Variants in FSTL5 observed in about 807,000 individuals in gnomAD.
FSTL5 encodes follistatin-related protein 5.
Under a neutral mutation model 89.1 loss-of-function variants are expected in FSTL5, and 62 were observed. That is an observed-to-expected ratio of 0.70 (90% CI 0.57 to 0.86). The LOEUF is 0.86. FSTL5 is among the 40% of genes least tolerant of loss of function. The pLI is 0.00. For missense variants in FSTL5, 1,057 were observed against 1,001.6 expected, an observed-to-expected ratio of 1.06 and a Z score of -0.75; for synonymous variants, 383 against 346.2, an observed-to-expected ratio of 1.11 and a Z score of -1.18.
At chr4:162,147,033 C>T (rs1477384751) in intron 1 of FSTL5, among the ~76,000 whole-genome samples, 1 of 151,994 alleles carries the variant, frequency 6.6e-6, no homozygotes, top group Non-Finnish European at 1.5e-5. Flanking sequence ...CTGCCCCCCT[C>T]GGCCTCCCAA....
At chr4:162,092,836 C>T (rs766371331) in intron 2 of FSTL5, among the ~76,000 whole-genome samples, 7 of 150,480 alleles carry the variant, frequency 4.7e-5, no homozygotes, top group Non-Finnish European at 1.0e-4. Context: ...GTTATCCCAG[C>T]TACTCAGGAG....
At position 161,974,873 on chromosome 4, in the gene FSTL5, C is replaced by G. The variant is rs1578908094; in HGVS notation, c.161-54221G>C. Among the ~76,000 whole-genome samples, 3 of 151,966 alleles carry G rather than the reference C, an allele frequency of 2.0e-5. 1 individual carries two copies. The South Asian group carries it at 6.3e-4, about 32-fold the overall frequency. The stretch of plus-strand genomic sequence containing the variant: ...ACTCATCTGACAAAGGGCTAATAGC[C>G]AAAATCTACAATGAAATCAAACAAA... On this transcript the variant is annotated intron_variant, in intron 3 of 15. Transcript: ENST00000306100.
At chr4:162,068,631 T>C (rs561495025) in intron 2 of FSTL5, among the ~76,000 whole-genome samples, 30 of 152,122 alleles carry the variant, frequency 2.0e-4, no homozygotes, top group African/African-American at 6.0e-4. Context: ...ATTCAGGACA[T>C]AGGCACAGGC....
chr4:161,490,540 CT>C (rs564464388), intron 12 of FSTL5, among the ~76,000 whole-genome samples: 12 of 150,110 alleles, frequency 8.0e-5, no homozygotes, highest in East Asian at 3.9e-4. Flanking sequence ...AGGAATAAAA[CT>C]TTTTTTTTTC....
chr4:161,386,277 C>T lies in FSTL5; in HGVS notation c.2014G>A (p.Ala672Thr), dbSNP rs1329386222. 1 of 1,613,962 alleles carries T rather than the reference C, an allele frequency of 6.2e-7. No homozygotes were observed. The highest frequency in any genetic ancestry group is 1.7e-5 in the Admixed American group (1 of 59,978). The change falls in exon 16 of 16, where the codon GCA becomes ACA. Residue 672 changes from alanine (A) to threonine (T), a missense_variant. Around this residue, in one of 3 missense-constraint regions of FSTL5, gnomAD observed 980 missense variants for 903.2 expected, o/e 1.08. Coordinates refer to ENST00000306100, the MANE Select transcript of FSTL5 (RefSeq NM_020116.5). ...TCCACCATGACCTGTGGGGAAACTG[C>T]TCCGGTGCTGTCAGGTTTGCAGCCA... The part of the protein sequence containing the change: ...FIGCKPDSTG[A>T]VSPQVMVDGV...
intron 5 of FSTL5, among the ~76,000 whole-genome samples, chr4:161,774,129 G>A (rs1001925895): frequency 2.6e-5 from 4 of 152,106 alleles, no homozygotes; most frequent in Admixed American, 2.6e-4. Flanking sequence ...AGGCATGGTG[G>A]CGGGTGCCTG....
chr4:162,085,693 G>A (rs1388926039), intron 2 of FSTL5, among the ~76,000 whole-genome samples: 1 of 152,008 alleles, frequency 6.6e-6, no homozygotes, highest in Non-Finnish European at 1.5e-5. Flanking sequence ...AATGATACTT[G>A]ACAAAGTATG....
intron 10 of FSTL5, among the ~76,000 whole-genome samples, chr4:161,527,215 G>A (rs1731252772): frequency 1.3e-5 from 2 of 152,068 alleles, no homozygotes; most frequent in Admixed American, 1.3e-4. Flanking sequence ...TTGTGAATGG[G>A]AGTTCACTCA....
chr4:161,836,606 G>A (rs1731051218), intron 4 of FSTL5, among the ~76,000 whole-genome samples: 1 of 152,000 alleles, frequency 6.6e-6, no homozygotes, highest in Non-Finnish European at 1.5e-5. Flanking sequence ...CTTTTAAGGA[G>A]TTTGGAGTGT....
At chr4:161,452,632 C>T (rs903658186) in intron 15 of FSTL5, among the ~76,000 whole-genome samples, 3 of 149,596 alleles carry the variant, frequency 2.0e-5, no homozygotes, top group African/African-American at 5.1e-5. Context: ...TTTTACTTCT[C>T]GCATTCACGG....
rs761340970 is a variant in FSTL5, at chr4:161,419,299, C to T, written c.1842-32850G>A. Among the ~76,000 whole-genome samples, 10 of 152,120 alleles carry T rather than the reference C, an allele frequency of 6.6e-5. No individual in the cohort carries two copies. The South Asian group carries it at 1.2e-3, about 19-fold the overall frequency. ...TCATTTTTCTTCTGTCTAAACCATA[C>T]ATATTTGCCAAATAGTTGCAACAAA... On this transcript the variant is annotated intron_variant, in intron 15 of 15. Transcript: ENST00000306100.
At chr4:162,158,768 T>C (rs2110759918) in intron 1 of FSTL5, among the ~76,000 whole-genome samples, 1 of 152,208 alleles carries the variant, frequency 6.6e-6, no homozygotes, top group Non-Finnish European at 1.5e-5. Context: ...AATATGGGTT[T>C]ATGGCCTGAT....
At chr4:161,454,527 A>G (rs565759774) in intron 15 of FSTL5, among the ~76,000 whole-genome samples, 3 of 152,302 alleles carry the variant, frequency 2.0e-5, no homozygotes, top group African/African-American at 7.2e-5. Flanking sequence ...ATACAATTTT[A>G]TATTAATTAC....
At position 162,111,297 on chromosome 4, in the gene FSTL5, G is replaced by A; in HGVS notation, c.100C>T (p.Gln34Ter). 6.2e-7 allele frequency: 1 copy of A among 1,611,320 alleles called. No individual in the cohort carries two copies. The highest frequency in any genetic ancestry group is 8.5e-7 in the Non-Finnish European group (1 of 1,178,088). Residue 34 changes from glutamine (Q) to a stop codon, truncating the protein, a stop_gained, in exon 2 of 16, where the codon CAG becomes TAG. Transcript: ENST00000306100. LOFTEE classifies it high-confidence loss of function. ...KEGGYGLKSY[Q>*]PLMRLRHKQE... ...TTATGTCGCAATCTCATTAGAGGCTGATAGGATTTAAGGCCATATCCTCCT... is the reference window on the plus strand; with the variant it reads ...TTATGTCGCAATCTCATTAGAGGCTAATAGGATTTAAGGCCATATCCTCCT...
chr4:161,729,423 C>T (rs975967590), intron 6 of FSTL5, among the ~76,000 whole-genome samples: 1 of 152,064 alleles, frequency 6.6e-6, no homozygotes, highest in Non-Finnish European at 1.5e-5. Flanking sequence ...CTGATCATGT[C>T]CAGTTTTAAG....
intron 2 of FSTL5, among the ~76,000 whole-genome samples, chr4:162,036,435 TG>T (rs1235629279): frequency 1.3e-5 from 2 of 152,032 alleles, no homozygotes; most frequent in African/African-American, 2.4e-5. Flanking sequence ...ATGTTGACTT[TG>T]AAATTACTTT....
intron 3 of FSTL5, among the ~76,000 whole-genome samples, chr4:162,009,921 C>T (rs535250973): frequency 1.7e-4 from 26 of 150,834 alleles, no homozygotes. Flanking sequence ...TTGTGACATG[C>T]AATTTGAACT....
intron 2 of FSTL5, among the ~76,000 whole-genome samples, chr4:162,060,279 T>A (rs1382678483): frequency 6.6e-6 from 1 of 152,092 alleles, no homozygotes; most frequent in African/African-American, 2.4e-5. Context: ...CAGTCTCCGG[T>A]TTATACTCAA....
intron 2 of FSTL5, among the ~76,000 whole-genome samples, chr4:162,081,855 A>G (rs1730113022): frequency 6.6e-6 from 1 of 151,276 alleles, no homozygotes; most frequent in African/African-American, 2.4e-5. Flanking sequence ...CAAAATTTAT[A>G]AGAATATTTA....
Sources: gnomAD v4.1 joint callset for allele counts (sites outside exome capture counted in the v4.1 genomes callset) on GRCh38, gnomAD v4.1.1 for gene constraint, gnomAD v4.1.1 regional missense constraint, MANE v1.5 for transcripts, NCBI Gene and HGNC (gene_info 2026-07-23, HGNC 2026-07-21) for gene names.